Variants in CXCL13 observed in about 807,000 individuals in gnomAD.
CXCL13 encodes the protein C-X-C motif chemokine 13.
In CXCL13, 7 loss-of-function variants were observed where a neutral mutation model predicts 12.2. The observed-to-expected ratio is 0.57, with a 90% CI of 0.33 to 1.07. The LOEUF (loss-of-function observed/expected upper bound fraction) is 1.07, where lower values mean the gene tolerates loss of function less well. Ranked by LOEUF, CXCL13 falls within the 50% of genes least tolerant of loss-of-function variation. The pLI is 0.04. For missense variants in CXCL13, 113 were observed against 127.4 expected (o/e 0.89, Z 0.55); for synonymous variants, 47 against 42.4 (o/e 1.11, Z -0.42).
upstream of CXCL13, among the ~76,000 whole-genome samples, chr4:77,604,627 A>G (rs112147029): frequency 1.6e-4 from 24 of 152,224 alleles, no homozygotes; most frequent in African/African-American, 5.5e-4. Context: ...GTGCCAAACA[A>G]TAGAATAACC....
intron 1 of CXCL13, among the ~76,000 whole-genome samples, chr4:77,536,817 CTT>C (rs895896382): frequency 6.6e-6 from 1 of 152,114 alleles, no homozygotes; most frequent in African/African-American, 2.4e-5. Context: ...AAAAGAATGA[CTT>C]TATCAGGATA....
intron 1 of CXCL13, among the ~76,000 whole-genome samples, chr4:77,547,269 A>G (rs1328049811): frequency 6.6e-6 from 1 of 152,154 alleles, no homozygotes; most frequent in East Asian, 1.9e-4. Context: ...AGCTGAGTTC[A>G]ATTCCTGGAT....
intron 1 of CXCL13, among the ~76,000 whole-genome samples, chr4:77,565,247 C>A (rs1725900512): frequency 6.6e-6 from 1 of 152,094 alleles, no homozygotes; most frequent in Non-Finnish European, 1.5e-5. Context: ...ACTATAAAAA[C>A]CATTGCTCTG....
At position 77,545,185 on chromosome 4, in the gene CXCL13, C is replaced by T. The variant is rs573687865; in HGVS notation, c.-43+33397C>T. Among the ~76,000 whole-genome samples, 10 of 152,252 alleles carry T rather than the reference C, an allele frequency of 6.6e-5. No individual in the cohort carries two copies. The South Asian group carries it at 2.1e-3, about 32-fold the overall frequency. On this transcript the variant is annotated intron_variant, in intron 1 of 4. Coordinates refer to the CXCL13 transcript ENST00000286758. The stretch of plus-strand genomic sequence containing the variant: ...TAGTTTGAAGTCAGGTAGGGTGATG[C>T]CTCCAGCTTTGTTCTTTTGGCTTAG...
At chr4:77,529,524 T>A (rs1047771511) in intron 1 of CXCL13, among the ~76,000 whole-genome samples, 12 of 152,212 alleles carry the variant, frequency 7.9e-5, no homozygotes, top group African/African-American at 2.9e-4. Flanking sequence ...GCTAGGTATT[T>A]TATTCTCTTT....
chr4:77,583,578 T>C (rs1434155800), intron 1 of CXCL13, among the ~76,000 whole-genome samples: 2 of 152,226 alleles, frequency 1.3e-5, no homozygotes, highest in African/African-American at 4.8e-5. Context: ...TCTTGTGCAG[T>C]GCCTTTTGTG....
intron 1 of CXCL13, among the ~76,000 whole-genome samples, chr4:77,579,173 G>A (rs1450292231): frequency 6.6e-6 from 1 of 152,202 alleles, no homozygotes; most frequent in East Asian, 1.9e-4. Flanking sequence ...CATTTGTTGG[G>A]AAATGCCCCA....
At chr4:77,524,427 C>T (rs1724708940) in intron 1 of CXCL13, among the ~76,000 whole-genome samples, 1 of 152,198 alleles carries the variant, frequency 6.6e-6, no homozygotes, top group African/African-American at 2.4e-5. Context: ...CCTACTCAAG[C>T]CTCAGCAATG....
chr4:77,514,739 T>G (rs1724372944), intron 1 of CXCL13, among the ~76,000 whole-genome samples: 2 of 152,238 alleles, frequency 1.3e-5, no homozygotes, highest in African/African-American at 4.8e-5. Context: ...GCGAAAATTT[T>G]CTCCCATTTT....
intron 1 of CXCL13, among the ~76,000 whole-genome samples, chr4:77,537,125 C>T (rs991551460): frequency 6.6e-6 from 1 of 152,066 alleles, no homozygotes; most frequent in Non-Finnish European, 1.5e-5. Context: ...GTTTATTAAA[C>T]GGAATATTTA....
chr4:77,542,620 A>G (rs977404792), intron 1 of CXCL13, among the ~76,000 whole-genome samples: 3 of 152,186 alleles, frequency 2.0e-5, no homozygotes, highest in African/African-American at 4.8e-5. Context: ...TGCAAACAAT[A>G]TCATGTGGTT....
At chr4:77,578,792 G>A (rs543738246) in intron 1 of CXCL13, among the ~76,000 whole-genome samples, 1 of 152,258 alleles carries the variant, frequency 6.6e-6, no homozygotes, top group South Asian at 2.1e-4. Flanking sequence ...CAAAAATTCT[G>A]CAACAGCATT....
intron 1 of CXCL13, among the ~76,000 whole-genome samples, chr4:77,551,179 G>T (rs182940135): frequency 6.6e-6 from 1 of 152,274 alleles, no homozygotes; most frequent in Admixed American, 6.5e-5. Flanking sequence ...TTAGCTCGTT[G>T]CTTTGTAGTT....
At chr4:77,539,478 C>T (rs1195029781) in intron 1 of CXCL13, among the ~76,000 whole-genome samples, 1 of 152,242 alleles carries the variant, frequency 6.6e-6, no homozygotes, top group Admixed American at 6.5e-5. Flanking sequence ...CTTCCAAGGT[C>T]CTGCATCCCT....
At chr4:77,544,897 T>G (rs1010090684) in intron 1 of CXCL13, among the ~76,000 whole-genome samples, 3 of 152,240 alleles carry the variant, frequency 2.0e-5, no homozygotes, top group Non-Finnish European at 4.4e-5. Flanking sequence ...ATGCAAGTCT[T>G]TAATCCATCT....
At chr4:77,514,877 T>TTGGG (rs1327332752) in intron 1 of CXCL13, among the ~76,000 whole-genome samples, 1 of 152,236 alleles carries the variant, frequency 6.6e-6, no homozygotes, top group Non-Finnish European at 1.5e-5. Flanking sequence ...ATGAAGTCCT[T>TTGGG]ACCCGTGCCT....
At chr4:77,536,145 T>TG (rs1725052806) in intron 1 of CXCL13, among the ~76,000 whole-genome samples, 2 of 152,066 alleles carry the variant, frequency 1.3e-5, no homozygotes, top group African/African-American at 4.8e-5. Context: ...AGTCAGCTTT[T>TG]GGGGGCAGGA....
chr4:77,591,550 C>CAAAAAAA (rs780283463), intron 1 of CXCL13, among the ~76,000 whole-genome samples: 2 of 48,610 alleles, frequency 4.1e-5, no homozygotes, highest in African/African-American at 1.4e-4. Flanking sequence ...GACTCCATCT[C>CAAAAAAA]AAAAAAAAAA....
At chr4:77,599,452 C>T (rs945948829) in intron 1 of CXCL13, among the ~76,000 whole-genome samples, 3 of 152,128 alleles carry the variant, frequency 2.0e-5, no homozygotes, top group African/African-American at 7.2e-5. Context: ...CAGACATGGT[C>T]CTTTTTAAAA....
Sources: gnomAD v4.1 joint callset for allele counts (sites outside exome capture counted in the v4.1 genomes callset) on GRCh38, gnomAD v4.1.1 for gene constraint, MANE v1.5 for transcripts, NCBI Gene and HGNC (gene_info 2026-07-23, HGNC 2026-07-21) for gene names.